Variants in DMBT1 observed in about 807,000 individuals in gnomAD.
DMBT1 encodes the protein scavenger receptor cysteine-rich domain-containing protein DMBT1.
In DMBT1, 198 loss-of-function variants were observed where a neutral mutation model predicts 252.9. The ratio of observed to expected loss-of-function variants is 0.78; its 90% CI spans 0.70 to 0.88. DMBT1 has a LOEUF of 0.88. Among genes scored for constraint, DMBT1 ranks in the 40% least tolerant of loss-of-function variants. DMBT1 has a pLI of 0.00. For synonymous variants in DMBT1, 990 were observed against 942.7 expected (o/e 1.05, Z -0.92); for missense variants, 2,432 against 2,404.7 (o/e 1.01, Z -0.24).
At chr10:122,636,295 G>A in intron 53 of DMBT1, 96 bp downstream of exon 53, 1 of 1,202,852 alleles carries the variant, frequency 8.3e-7, no homozygotes, top group Non-Finnish European at 1.2e-6. Flanking sequence ...AGAAATGAAG[G>A]AACCCTTTCA....
chr10:122,600,242 C>T (rs954032297), intron 27 of DMBT1, 149 bp downstream of exon 27: 22 of 1,229,302 alleles, frequency 1.8e-5, no homozygotes, highest in Admixed American at 7.3e-5. Context: ...ACTGAGACCC[C>T]AGCACAGCGC....
intron 8 of DMBT1, 23 bp from the exon 9 acceptor site, chr10:122,578,695 T>G (rs2097735225): frequency 1.3e-6 from 2 of 1,598,296 alleles, no homozygotes; most frequent in African/African-American, 2.7e-5. Flanking sequence ...AATTGTATCC[T>G]TTCTCTTTGT....
chr10:122,576,732 C>G lies in DMBT1; in HGVS notation c.607+10C>G. 6.2e-7 allele frequency: 1 copy of G among 1,613,778 alleles called. No homozygotes were observed. Among genetic ancestry groups the G allele is most frequent in the Non-Finnish European group, 8.5e-7 (1 of 1,179,722 alleles). On this transcript the variant is annotated intron_variant, in intron 7 of 55. Transcript: ENST00000338354. ...GGTGTTATCTGCTCAGGTAGGCATC[C>G]AGATCTCTGGAGGGTTGGGTGTGGT...
intron 26 of DMBT1, among the ~76,000 whole-genome samples, chr10:122,599,742 G>A (rs982488921): frequency 2.0e-5 from 3 of 152,176 alleles, no homozygotes; most frequent in Non-Finnish European, 4.4e-5. Flanking sequence ...ACGGCACAAG[G>A]GATTTTGGCT....
At chr10:122,634,415 CTCTCTCTCTCTCTCT>C (rs1189540018) in intron 52 of DMBT1, among the ~76,000 whole-genome samples, 1 of 75,080 alleles carries the variant, frequency 1.3e-5, no homozygotes, top group African/African-American at 6.3e-5. Flanking sequence ...CTTTCTTTCT[CTCTCTCTCTCTCTCT>C]TCTCTCTCTC....
In DMBT1 at chr10:122,617,236, C is replaced by T. The variant is rs1224197499; in HGVS notation, c.4867C>T (p.Pro1623Ser). 13 of 1,609,580 alleles carry T rather than the reference C, an allele frequency of 8.1e-6. No individual in the cohort carries two copies. Among genetic ancestry groups the T allele is most frequent in the Non-Finnish European group, 8.5e-6 (10 of 1,178,864 alleles). Residue 1623 changes from proline (P) to serine (S), a missense_variant, in exon 40 of 56, where the codon CCA becomes TCA. Physicochemically the swap from Pro to Ser is moderately conservative, Grantham distance 74. Coordinates refer to ENST00000338354, the MANE Select transcript of DMBT1 (RefSeq NM_001377530.1). The stretch of plus-strand genomic sequence containing the variant: ...TTTGTTGCTATTTACAGACACTTGG[C>T]CAACCTCTCGTGCATCAACAGCAGG... ...SQPTPSPDTW[P>S]TSRASTAGSE...
chr10:122,626,730 G>T (rs543313201), intron 46 of DMBT1, among the ~76,000 whole-genome samples: 1 of 152,276 alleles, frequency 6.6e-6, no homozygotes, highest in East Asian at 1.9e-4. Flanking sequence ...ATATTATTTT[G>T]TACACAACAA....
intron 1 of DMBT1, among the ~76,000 whole-genome samples, chr10:122,563,368 C>T (rs1159641956): frequency 6.6e-6 from 1 of 152,126 alleles, no homozygotes; most frequent in Non-Finnish European, 1.5e-5. Flanking sequence ...ATGTTTTATC[C>T]AAAAGCAGCT....
Position 122,598,917 on chromosome 10 carries a change from C to G in DMBT1, c.3100C>G (p.Leu1034Val). ...TGATGCCAATGTCGTCTGCAGGCAA[C>G]TGGGCTGTGGCTGGGCCATGTCAGC... ...TNDANVVCRQ[L>V]GCGWAMSAPG... The change falls in exon 26 of 56, where the codon CTG becomes GTG. Residue 1034 changes from leucine (L) to valine (V), a missense_variant. Coordinates refer to ENST00000338354, the MANE Select transcript of DMBT1 (RefSeq NM_001377530.1). The G allele has an allele frequency of 6.2e-7, 1 of 1,613,828 alleles. No homozygotes were observed. Among genetic ancestry groups the G allele is most frequent in the Non-Finnish European group, 8.5e-7 (1 of 1,179,754 alleles).
At chr10:122,580,000 T>C in intron 10 of DMBT1, 99 bp downstream of exon 10, 16 of 1,570,628 alleles carry the variant, frequency 1.0e-5, no homozygotes, top group Non-Finnish European at 1.4e-5. Context: ...AGCTTCTATG[T>C]TTTCTATGTT....
At chr10:122,632,820 A>G (rs772217820) in intron 50 of DMBT1, 41 bp from the exon 51 acceptor site, 3 of 1,609,572 alleles carry the variant, frequency 1.9e-6, no homozygotes, top group Non-Finnish European at 2.5e-6. Flanking sequence ...TGTGTCAGGG[A>G]TGCCAGAAAA....
chr10:122,639,963 T>G (rs1286442745), intron 54 of DMBT1, 77 bp from the exon 55 acceptor site: 25 of 1,523,290 alleles, frequency 1.6e-5, no homozygotes, highest in Non-Finnish European at 2.1e-5. Flanking sequence ...TCCCTCTCAT[T>G]CACACCCAAA....
intron 20 of DMBT1, among the ~76,000 whole-genome samples, chr10:122,593,087 G>A (rs1157809438): frequency 2.7e-5 from 4 of 148,890 alleles, no homozygotes; most frequent in African/African-American, 9.7e-5. Flanking sequence ...GTTCTATCAG[G>A]CCTGGGTTGT....
intron 21 of DMBT1, among the ~76,000 whole-genome samples, chr10:122,593,986 C>T (rs878896598): frequency 0.017 from 2,303 of 135,256 alleles, 47 homozygotes; most frequent in South Asian, 0.15. Flanking sequence ...AGGCTCGATA[C>T]CCCCATCCAT....
At chr10:122,573,830 T>C (rs78241404) in intron 6 of DMBT1, 68 bp downstream of exon 6, 29 of 1,569,968 alleles carry the variant, frequency 1.8e-5, no homozygotes, top group Admixed American at 3.3e-5. Flanking sequence ...AATCTCTGAT[T>C]CAGATGAGGT....
intron 45 of DMBT1, 141 bp downstream of exon 45, chr10:122,625,444 G>A (rs945208141): frequency 3.7e-5 from 31 of 844,308 alleles, no homozygotes; most frequent in Non-Finnish European, 5.6e-5. Flanking sequence ...TTAGGGTGAC[G>A]AGCTGAGTTC....
In DMBT1 at chr10:122,599,137, A is replaced by T. The variant is rs758488103; in HGVS notation, c.3280+40A>T. 146 of 1,613,362 alleles carry T rather than the reference A, an allele frequency of 9.0e-5. 1 individual carries two copies. The highest frequency in any genetic ancestry group is 1.6e-4 in the Middle Eastern group (1 of 6,070). ...ACTTGGGATCACTCTCTTGGGGTGG[A>T]GTTTGCTCCAGAAGAAACTCCTAAT... On this transcript the variant is annotated intron_variant, in intron 26 of 55. Transcript: ENST00000338354.
rs1403890670 is a variant in DMBT1, at chr10:122,588,452, TC to T, written c.1784-489del. Among the ~76,000 whole-genome samples, 3 of 148,142 alleles carry T rather than the reference TC, an allele frequency of 2.0e-5. No homozygotes were observed. The East Asian group carries it at 6.2e-4, about 31-fold the overall frequency. On this transcript the variant is annotated intron_variant, in intron 16 of 55. Transcript: ENST00000338354. ...GTGCTGAGGACAAGCCCTGGAGGGC[TC>T]CCTACTCCTATTCGACCTCGTTCCT...
At chr10:122,575,796 G>T (rs2097706871) in intron 6 of DMBT1, among the ~76,000 whole-genome samples, 1 of 152,192 alleles carries the variant, frequency 6.6e-6, no homozygotes, top group Admixed American at 6.5e-5. Flanking sequence ...TGTTCCTGGA[G>T]GTAGGGAGAA....
Sources: allele counts gnomAD v4.1 joint callset (sites outside exome capture counted in the v4.1 genomes callset), GRCh38; gene constraint gnomAD v4.1.1; transcripts MANE v1.5; gene names NCBI Gene and HGNC (gene_info 2026-07-23, HGNC 2026-07-21).